Variants in DCAF6 observed in about 807,000 individuals in gnomAD.
DCAF6 encodes DDB1- and CUL4-associated factor 6.
A neutral mutation model predicts 125.1 loss-of-function variants in DCAF6; 54 were observed. The ratio of observed to expected loss-of-function variants is 0.43; its 90% CI spans 0.35 to 0.54. The LOEUF is 0.54. Ranked by LOEUF, DCAF6 falls within the 20% of genes least tolerant of loss-of-function variation. DCAF6 has a pLI of 0.01. For missense variants in DCAF6, 934 were observed against 1,161.7 expected (o/e 0.80, Z 2.85); for synonymous variants, 371 against 390.4 (o/e 0.95, Z 0.58).
the DCAF6 span, chr1:167,918,302 T>C: frequency 1.3e-6 from 2 of 1,560,154 alleles, no homozygotes; most frequent in Non-Finnish European, 8.8e-7. Flanking sequence ...ATCTAGATTG[T>C]TCAGGTGATC....
intron 21 of DCAF6, among the ~76,000 whole-genome samples, chr1:168,071,595 C>T (rs1436369402): frequency 2.6e-5 from 4 of 152,184 alleles, no homozygotes; most frequent in Non-Finnish European, 4.4e-5. Context: ...AATTGCGCCA[C>T]TACACTCCAG....
the DCAF6 span, among the ~76,000 whole-genome samples, chr1:167,912,794 AG>A: frequency 1.3e-5 from 2 of 152,192 alleles, no homozygotes; most frequent in Admixed American, 6.5e-5. Context: ...CACTCATCGG[AG>A]CCGTATCAAT....
At position 168,075,420 on chromosome 1, in the gene DCAF6, T is replaced by C. The variant is rs1572204928; in HGVS notation, c.2841T>C (p.Asn947=). 6.2e-7 allele frequency: 1 copy of C among 1,600,064 alleles called. No individual in the cohort carries two copies. The highest frequency in any genetic ancestry group is 2.3e-5 in the East Asian group (1 of 44,040). ...AAGGCTCTGGTCAAGAGAATGAAAATGAGGATGAGGAATAATAAACTCTTT... is the reference window on the plus strand; with the variant it reads ...AAGGCTCTGGTCAAGAGAATGAAAACGAGGATGAGGAATAATAAACTCTTT... The part of the protein sequence containing the change: ...RSEGSGQENE[N]EDEE Residue 947 remains asparagine (N), a synonymous_variant, in exon 22 of 22, where the codon AAT becomes AAC. Transcript: ENST00000367840.
rs139779448 is a variant in DCAF6 at position 167,972,270 on chromosome 1, A to G, written c.253-2560A>G. Among the ~76,000 whole-genome samples the G allele has an allele frequency of 3.9e-3, 600 of 152,372 alleles. 2 individuals are homozygous for G. The highest frequency in any genetic ancestry group is 0.013 in the African/African-American group (560 of 41,582). ...TATTGGCTGTATAGATTTGGTTTCA[A>G]CAATTAAAGAACAAATTCTAACCTT... On this transcript the variant is annotated intron_variant, in intron 3 of 21. Transcript: ENST00000367840.
intron 4 of DCAF6, among the ~76,000 whole-genome samples, chr1:167,983,642 G>A (rs1372194004): frequency 6.6e-6 from 1 of 152,184 alleles, no homozygotes; most frequent in African/African-American, 2.4e-5. Context: ...TCTTTGGCAT[G>A]TGCACATTCT....
intron 21 of DCAF6, among the ~76,000 whole-genome samples, chr1:168,073,538 A>G (rs1174871966): frequency 6.6e-6 from 1 of 151,994 alleles, no homozygotes. Context: ...TGTGCCTCTG[A>G]GTGTAAAAGT....
chr1:168,024,714 G>A (rs1313500991), intron 12 of DCAF6, among the ~76,000 whole-genome samples: 2 of 150,642 alleles, frequency 1.3e-5, no homozygotes, highest in Non-Finnish European at 2.9e-5. Context: ...TGAGGGAGGA[G>A]AATCGCTTGA....
the DCAF6 span, among the ~76,000 whole-genome samples, chr1:167,927,580 C>T: frequency 3.1e-4 from 47 of 152,312 alleles, no homozygotes; most frequent in African/African-American, 1.1e-3. Flanking sequence ...TATTTGAAAG[C>T]TGAAGTTTCT....
At chr1:167,875,037 A>T in the DCAF6 span, 4 of 1,030,210 alleles carry the variant, frequency 3.9e-6, no homozygotes, top group Admixed American at 7.0e-5. Flanking sequence ...ATTTTGTGAT[A>T]ATTCATTAAG....
chr1:167,887,589 A>G, the DCAF6 span, among the ~76,000 whole-genome samples: 2 of 152,162 alleles, frequency 1.3e-5, no homozygotes, highest in Admixed American at 1.3e-4. Flanking sequence ...AGATATACCT[A>G]ATGTAAAAGA....
chr1:167,894,849 C>T, the DCAF6 span, among the ~76,000 whole-genome samples: 1 of 152,112 alleles, frequency 6.6e-6, no homozygotes. Context: ...GAGGATTCAA[C>T]CAATGAAATC....
Position 168,015,857 on chromosome 1 carries a change from G to C in DCAF6, c.1455G>C (p.Gln485His). Residue 485 changes from glutamine to histidine, a missense_variant, in exon 11 of 22, where the codon CAG (glutamine) becomes CAC (histidine). By Grantham distance (24) the Gln-to-His change is conservative. Around this residue, in one of 5 missense-constraint regions of DCAF6, gnomAD observed 559 missense variants for 635.5 expected, o/e 0.88. Coordinates refer to ENST00000367840, the MANE Select transcript of DCAF6 (RefSeq NM_001198956.2). The part of the protein sequence containing the change: ...QQLRLKKAEQ[Q>H]RQQELAAHTQ... ...TGAGGCTTAAGAAGGCTGAGCAGCA[G>C]AGGCAGCAAGAGCTAGCTGCACATA... 1 of 1,541,472 alleles carries C rather than the reference G, an allele frequency of 6.5e-7. No homozygotes were observed. The highest frequency in any genetic ancestry group is 8.8e-7 in the Non-Finnish European group (1 of 1,142,396).
chr1:167,930,074 A>G, the DCAF6 span, among the ~76,000 whole-genome samples: 1 of 152,234 alleles, frequency 6.6e-6, no homozygotes, highest in African/African-American at 2.4e-5. Context: ...TTTGTGCCAA[A>G]GCTAGTTCTG....
intron 2 of DCAF6, among the ~76,000 whole-genome samples, chr1:167,962,500 A>G (rs1675769359): frequency 6.6e-6 from 1 of 152,204 alleles, no homozygotes; most frequent in Non-Finnish European, 1.5e-5. Context: ...GTCTGTCTGA[A>G]ATTAATGTAA....
the DCAF6 span, among the ~76,000 whole-genome samples, chr1:167,907,772 T>G: frequency 6.6e-6 from 1 of 152,248 alleles, no homozygotes; most frequent in Non-Finnish European, 1.5e-5. Flanking sequence ...GAGACTGCTA[T>G]AGACAATGTA....
intron 17 of DCAF6, among the ~76,000 whole-genome samples, chr1:168,061,996 G>A (rs1252835051): frequency 6.6e-6 from 1 of 151,768 alleles, no homozygotes; most frequent in African/African-American, 2.4e-5. Context: ...CAAAAATGTC[G>A]ACAACCCAAT....
chr1:167,997,525 T>G (rs2103042996), intron 7 of DCAF6, among the ~76,000 whole-genome samples: 1 of 152,232 alleles, frequency 6.6e-6, no homozygotes, highest in South Asian at 2.1e-4. Flanking sequence ...TTCTGTCTCC[T>G]TTGCTCAGGA....
At position 168,044,604 on chromosome 1, in the gene DCAF6, A is replaced by G. The variant is rs374501188; in HGVS notation, c.1863A>G (p.Ser621=). 1.9e-5 allele frequency: 30 copies of G among 1,612,698 alleles called. No homozygotes were observed. The highest frequency in any genetic ancestry group is 2.5e-5 in the Non-Finnish European group (29 of 1,178,902). The change falls in exon 15 of 22, where the codon TCA becomes TCG. Residue 621 remains serine, a synonymous_variant. Transcript: ENST00000367840. ...TTACAGAAGCTCCTGAAGAATCATC[A>G]GAGGATGTGACAAAATATCAGGAAG... ...DSETKAPEES[S]EDVTKYQEGV...
chr1:168,052,147 G>A (rs1202718198), intron 17 of DCAF6, among the ~76,000 whole-genome samples: 1 of 152,142 alleles, frequency 6.6e-6, no homozygotes. Flanking sequence ...GCCTCCCAGA[G>A]TGCTGGGATT....
Sources: gnomAD v4.1 joint callset for allele counts (sites outside exome capture counted in the v4.1 genomes callset) on GRCh38, gnomAD v4.1.1 for gene constraint, gnomAD v4.1.1 regional missense constraint, MANE v1.5 for transcripts, NCBI Gene and HGNC (gene_info 2026-07-23, HGNC 2026-07-21) for gene names.